The following TTC29 variants were observed in gnomAD, a reference collection of about 807,000 sequenced individuals.
The protein encoded by TTC29 is tetratricopeptide repeat domain 29, also known as tetratricopeptide repeat protein 29.
A neutral mutation model predicts 58.1 loss-of-function variants in TTC29; 49 were observed. The ratio of observed to expected loss-of-function variants is 0.84; its 90% CI spans 0.67 to 1.07. The LOEUF is 1.07. TTC29 is among the 50% of genes least tolerant of loss of function. The probability of loss-of-function intolerance (pLI) is 0.00; values close to 1 mark genes in which losing one functional copy is unlikely to be tolerated. For synonymous variants in TTC29, 209 were observed against 196.8 expected, an observed-to-expected ratio of 1.06 and a Z score of -0.52; for missense variants, 582 against 555.6, an observed-to-expected ratio of 1.05 and a Z score of -0.48.
intron 11 of TTC29, among the ~76,000 whole-genome samples, chr4:146,753,223 C>T: frequency 6.6e-6 from 1 of 152,028 alleles, no homozygotes; most frequent in South Asian, 2.1e-4. Flanking sequence ...CAAACAACCC[C>T]ATCAAAAAGT....
At chr4:146,822,673 A>T (rs528118413) in intron 9 of TTC29, among the ~76,000 whole-genome samples, 13 of 152,200 alleles carry the variant, frequency 8.5e-5, no homozygotes, top group African/African-American at 3.1e-4. Flanking sequence ...TCTTTGAGGA[A>T]TCACCATACT....
At chr4:146,760,359 T>C (rs552219172) in intron 11 of TTC29, among the ~76,000 whole-genome samples, 4 of 152,084 alleles carry the variant, frequency 2.6e-5, no homozygotes, top group South Asian at 4.2e-4. Flanking sequence ...ATGACCATAA[T>C]GCCAAAAGCA....
chr4:146,892,044 C>A (rs1732403738), intron 6 of TTC29, among the ~76,000 whole-genome samples: 1 of 152,062 alleles, frequency 6.6e-6, no homozygotes, highest in East Asian at 1.9e-4. Flanking sequence ...TGTCCCCTCC[C>A]AAATCTAATG....
At chr4:146,912,064 C>T (rs1733934018) in intron 4 of TTC29, among the ~76,000 whole-genome samples, 1 of 152,012 alleles carries the variant, frequency 6.6e-6, no homozygotes, top group Non-Finnish European at 1.5e-5. Flanking sequence ...TTGCCTTGGG[C>T]CACACATAAA....
chr4:146,724,882 A>G (rs1743655391), intron 11 of TTC29, among the ~76,000 whole-genome samples: 1 of 152,112 alleles, frequency 6.6e-6, no homozygotes, highest in African/African-American at 2.4e-5. Flanking sequence ...TTCCTTTCTT[A>G]ATGGAGGAAG....
chr4:146,915,475 G>A (rs1734162119), intron 4 of TTC29, among the ~76,000 whole-genome samples: 1 of 151,904 alleles, frequency 6.6e-6, no homozygotes, highest in Admixed American at 6.6e-5. Flanking sequence ...CAGCATCCAG[G>A]AAGAGCAAAT....
chr4:146,759,018 A>C (rs1299516917), intron 11 of TTC29, among the ~76,000 whole-genome samples: 2 of 152,026 alleles, frequency 1.3e-5, no homozygotes, highest in Non-Finnish European at 2.9e-5. Flanking sequence ...AAATTGAAAT[A>C]AAAAAATACA....
intron 11 of TTC29, among the ~76,000 whole-genome samples, chr4:146,760,144 T>G (rs1451103354): frequency 6.6e-6 from 1 of 151,790 alleles, no homozygotes; most frequent in Non-Finnish European, 1.5e-5. Context: ...ACACCAACAA[T>G]AACCAAGAAG....
chr4:146,762,862 T>C (rs1166019851), intron 11 of TTC29, among the ~76,000 whole-genome samples: 4 of 152,132 alleles, frequency 2.6e-5, no homozygotes, highest in Middle Eastern at 3.4e-3. Context: ...ATATAAGCAA[T>C]ATATGCCCAT....
intron 7 of TTC29, among the ~76,000 whole-genome samples, chr4:146,869,659 CT>C (rs1452914980): frequency 6.6e-6 from 1 of 152,002 alleles, no homozygotes; most frequent in Non-Finnish European, 1.5e-5. Flanking sequence ...GCACTAGCAA[CT>C]GGCCGGGCTG....
intron 11 of TTC29, among the ~76,000 whole-genome samples, chr4:146,723,071 A>G (rs2150007711): frequency 6.7e-6 from 1 of 149,450 alleles, no homozygotes; most frequent in Non-Finnish European, 1.5e-5. Flanking sequence ...ACATGGTGAA[A>G]CCCCGTTTCT....
At chr4:146,759,010 A>G (rs1022531390) in intron 11 of TTC29, among the ~76,000 whole-genome samples, 14 of 152,114 alleles carry the variant, frequency 9.2e-5, no homozygotes, top group African/African-American at 3.1e-4. Context: ...ACTAAATGAA[A>G]TTGAAATAAA....
intron 11 of TTC29, among the ~76,000 whole-genome samples, chr4:146,768,999 C>A (rs1237374279): frequency 6.6e-6 from 1 of 151,918 alleles, no homozygotes; most frequent in African/African-American, 2.4e-5. Flanking sequence ...TTTGCCATAG[C>A]AAACACTGAA....
chr4:146,922,738 C>T lies in TTC29; in HGVS notation c.177-13489G>A, dbSNP rs183006493. 5.3e-5 allele frequency among the ~76,000 whole-genome samples: 8 copies of T among 151,676 alleles called. No homozygotes were observed. The South Asian group carries it at 1.0e-3, about 20-fold the overall frequency. On this transcript the variant is annotated intron_variant, in intron 4 of 12. Transcript: ENST00000325106. Reference sequence around the variant, plus strand: ...ACAGAGGCAGTCCAACCCTAGACCCCGTATTATTAGCCATCATTATCTTTA... The same window carrying T: ...ACAGAGGCAGTCCAACCCTAGACCCTGTATTATTAGCCATCATTATCTTTA...
intron 4 of TTC29, among the ~76,000 whole-genome samples, chr4:146,921,310 A>G (rs1161608822): frequency 6.6e-6 from 1 of 151,404 alleles, no homozygotes. Flanking sequence ...ACTAGTTATA[A>G]CTAAGAATAT....
At chr4:146,799,430 G>A (rs914435961) in intron 11 of TTC29, among the ~76,000 whole-genome samples, 1 of 152,022 alleles carries the variant, frequency 6.6e-6, no homozygotes, top group Non-Finnish European at 1.5e-5. Flanking sequence ...GCAAGGAACA[G>A]GTTACAAAAA....
At chr4:146,773,342 T>C (rs1463193209) in intron 11 of TTC29, among the ~76,000 whole-genome samples, 1 of 152,150 alleles carries the variant, frequency 6.6e-6, no homozygotes, top group Non-Finnish European at 1.5e-5. Flanking sequence ...CAGTATGATG[T>C]TGGCTGTGTG....
chr4:146,762,164 A>G (rs541919482), intron 11 of TTC29, among the ~76,000 whole-genome samples: 1 of 152,008 alleles, frequency 6.6e-6, no homozygotes, highest in East Asian at 1.9e-4. Context: ...ACTGATCTTG[A>G]ATCCACAGAG....
chr4:146,890,538 C>T (rs10007685), intron 6 of TTC29, among the ~76,000 whole-genome samples: 2,254 of 152,244 alleles, frequency 0.015, 46 homozygotes, highest in African/African-American at 0.051. Flanking sequence ...CCTGGGAGCC[C>T]GTGCCCATGG....
Sources: allele counts gnomAD v4.1 joint callset (sites outside exome capture counted in the v4.1 genomes callset), GRCh38; gene constraint gnomAD v4.1.1; transcripts MANE v1.5; gene names NCBI Gene and HGNC (gene_info 2026-07-23, HGNC 2026-07-21).